The following MALRD1 variants were observed in gnomAD, a reference collection of about 807,000 sequenced individuals.
MALRD1 encodes MAM and LDL-receptor class A domain-containing protein 1.
A neutral mutation model predicts 242.1 loss-of-function variants in MALRD1; 247 were observed. The observed-to-expected ratio is 1.02, with a 90% confidence interval of 0.92 to 1.13. The LOEUF is 1.13. MALRD1 is among the 50% of genes most tolerant of loss of function. MALRD1 has a pLI of 0.00. For missense variants in MALRD1, 2,989 were observed against 2,533.1 expected, an observed-to-expected ratio of 1.18 and a Z score of -3.86; for synonymous variants, 995 against 866.6, an observed-to-expected ratio of 1.15 and a Z score of -2.60.
chr10:19,701,344 G>A (rs1036179304), intron 38 of MALRD1, among the ~76,000 whole-genome samples: 1 of 152,040 alleles, frequency 6.6e-6, no homozygotes, highest in Non-Finnish European at 1.5e-5. Context: ...CCTCATAAGT[G>A]GATGCGGCCC....
chr10:19,678,912 A>G (rs565384281), intron 36 of MALRD1, among the ~76,000 whole-genome samples: 148 of 152,092 alleles, frequency 9.7e-4, no homozygotes, highest in Non-Finnish European at 1.8e-3. Flanking sequence ...ACAATCCATG[A>G]TTATGTGATT....
intron 30 of MALRD1, among the ~76,000 whole-genome samples, chr10:19,497,464 T>G (rs1180061749): frequency 6.6e-6 from 1 of 151,774 alleles, no homozygotes; most frequent in Non-Finnish European, 1.5e-5. Context: ...ACAATAATGC[T>G]TGAGAAGTAA....
intron 29 of MALRD1, among the ~76,000 whole-genome samples, chr10:19,480,514 G>A (rs956710939): frequency 1.3e-5 from 2 of 152,298 alleles, no homozygotes; most frequent in African/African-American, 2.4e-5. Flanking sequence ...AGGAATTGAC[G>A]TTTCAAAGTG....
At chr10:19,216,464 C>A (rs934558625) in intron 18 of MALRD1, among the ~76,000 whole-genome samples, 2 of 152,060 alleles carry the variant, frequency 1.3e-5, no homozygotes, top group African/African-American at 2.4e-5. Flanking sequence ...CATATTCTCT[C>A]CTTTCTCCTA....
At chr10:19,319,841 GGA>G (rs1179084390) in intron 21 of MALRD1, among the ~76,000 whole-genome samples, 6 of 151,726 alleles carry the variant, frequency 4.0e-5, no homozygotes, top group African/African-American at 1.5e-4. Flanking sequence ...GAATTTGGGG[GGA>G]ACACAAATGT....
At chr10:19,079,549 A>G (rs538199069) in intron 2 of MALRD1, among the ~76,000 whole-genome samples, 1 of 152,058 alleles carries the variant, frequency 6.6e-6, no homozygotes, top group South Asian at 2.1e-4. Context: ...TCTTCTATCA[A>G]ATAGTTCTAT....
intron 29 of MALRD1, among the ~76,000 whole-genome samples, chr10:19,486,087 G>A (rs1837225697): frequency 7.8e-6 from 1 of 127,936 alleles, no homozygotes; most frequent in Non-Finnish European, 1.7e-5. Context: ...TAAAGACATT[G>A]TGTAAAGAAG....
Position 19,235,465 on chromosome 10 carries a change from TTA to T in MALRD1, c.2992-22217_2992-22216del, listed in dbSNP as rs1313133213. Among the ~76,000 whole-genome samples, 6 of 118,600 alleles carry T rather than the reference TTA, an allele frequency of 5.1e-5. No individual in the cohort carries two copies. The East Asian group carries it at 1.4e-3, about 28-fold the overall frequency. The allele number at this position is 118,600 out of a possible 152,430, so 77.8% of individuals were successfully genotyped here. On this transcript the variant is annotated intron_variant, in intron 18 of 39. Transcript: ENST00000454679. ...GTCCTTTGCCCATTTTTTAATCGGG[TTA>T]TTTTTTTTTTCTAATTGATTTAAGT...
intron 2 of MALRD1, among the ~76,000 whole-genome samples, chr10:19,086,179 C>G (rs989511401): frequency 6.6e-6 from 1 of 152,046 alleles, no homozygotes; most frequent in African/African-American, 2.4e-5. Context: ...GTTAATATCA[C>G]TGTTTGCTGC....
At chr10:19,366,464 C>G (rs1845113820) in intron 26 of MALRD1, among the ~76,000 whole-genome samples, 1 of 152,080 alleles carries the variant, frequency 6.6e-6, no homozygotes, top group South Asian at 2.1e-4. Context: ...TCACCTCCTG[C>G]TATTTGGCCA....
At chr10:19,148,790 T>TATATATAC (rs1833822813) in intron 11 of MALRD1, among the ~76,000 whole-genome samples, 1 of 74,814 alleles carries the variant, frequency 1.3e-5, no homozygotes, top group African/African-American at 3.7e-5. Flanking sequence ...AAAAAAAAAA[T>TATATATAC]ATATATATAT....
intron 21 of MALRD1, among the ~76,000 whole-genome samples, chr10:19,286,739 G>A (rs540544053): frequency 4.6e-5 from 7 of 151,340 alleles, no homozygotes; most frequent in South Asian, 2.1e-4. Context: ...TCTACCAGAG[G>A]TACAAGGAGG....
At chr10:19,420,805 G>A (rs575663587) in intron 28 of MALRD1, among the ~76,000 whole-genome samples, 5 of 152,286 alleles carry the variant, frequency 3.3e-5, no homozygotes, top group South Asian at 4.1e-4. Context: ...GGGTAGCAAC[G>A]TCATCAGAGG....
At chr10:19,541,114 C>A (rs540794613) in intron 32 of MALRD1, among the ~76,000 whole-genome samples, 41 of 152,230 alleles carry the variant, frequency 2.7e-4, no homozygotes, top group African/African-American at 9.6e-4. Flanking sequence ...TATTGAGTGG[C>A]ACTATCAGTA....
At chr10:19,714,326 C>T (rs554044636) in intron 38 of MALRD1, among the ~76,000 whole-genome samples, 1 of 152,192 alleles carries the variant, frequency 6.6e-6, no homozygotes, top group Non-Finnish European at 1.5e-5. Context: ...TGGCTGGGCT[C>T]CCCTCCAACC....
intron 26 of MALRD1, among the ~76,000 whole-genome samples, chr10:19,352,979 C>T (rs1395344362): frequency 6.6e-6 from 1 of 152,002 alleles, no homozygotes; most frequent in South Asian, 2.1e-4. Context: ...TTTTCTTAGC[C>T]AGTGATATGA....
In MALRD1 at chr10:19,567,602, A is replaced by G. The variant is rs1479857289; in HGVS notation, c.5579A>G (p.Asn1860Ser). 1 of 1,550,648 alleles carries G rather than the reference A, an allele frequency of 6.4e-7. No individual in the cohort carries two copies. The change falls in exon 33 of 40, where the codon AAC (asparagine) becomes AGC (serine). Residue 1860 changes from asparagine to serine, a missense_variant. Asn to Ser is a conservative substitution (Grantham distance 46, BLOSUM62 1). Transcript: ENST00000454679. ...TATGGCTCTGTGCCTCTCTCCAGTA[A>G]CAGTCCGTTTAAGGTGGCATTTGAA... ...WTYGSVPLSS[N>S]SPFKVAFEAD...
At chr10:19,365,508 CT>C (rs201144573) in intron 26 of MALRD1, among the ~76,000 whole-genome samples, 2 of 150,558 alleles carry the variant, frequency 1.3e-5, no homozygotes, top group South Asian at 2.1e-4. Flanking sequence ...TAAGCAAAGT[CT>C]TTTTTTTTCC....
chr10:19,593,717 G>A (rs984829530), intron 33 of MALRD1, among the ~76,000 whole-genome samples: 2 of 152,140 alleles, frequency 1.3e-5, no homozygotes. Flanking sequence ...TCAACAGTCA[G>A]CCTCTGCTTT....
Sources: gnomAD v4.1 joint callset for allele counts (sites outside exome capture counted in the v4.1 genomes callset) on GRCh38, gnomAD v4.1.1 for gene constraint, MANE v1.5 for transcripts, NCBI Gene and HGNC (gene_info 2026-07-23, HGNC 2026-07-21) for gene names.